CPNE8: variants seen among roughly 807,000 people sequenced by gnomAD.
The protein encoded by CPNE8 is copine-8.
CPNE8 carries 45 observed loss-of-function variants against 81.5 expected under a neutral mutation model. The ratio of observed to expected loss-of-function variants is 0.55; its 90% CI spans 0.44 to 0.71. The LOEUF (loss-of-function observed/expected upper bound fraction) is 0.71. Among genes scored for constraint, CPNE8 ranks in the 30% least tolerant of loss-of-function variants. The pLI is 0.00. For missense variants in CPNE8, 594 were observed against 672.1 expected, an observed-to-expected ratio of 0.88 and a Z score of 1.28; for synonymous variants, 252 against 226.3, an observed-to-expected ratio of 1.11 and a Z score of -1.02.
At chr12:38,782,198 C>A (rs1391307496) in intron 6 of CPNE8, among the ~76,000 whole-genome samples, 2 of 151,998 alleles carry the variant, frequency 1.3e-5, no homozygotes, top group African/African-American at 4.8e-5. Context: ...TTTCTATAAA[C>A]ATAAAACTAT....
chr12:38,873,914 T>C (rs1014550705), intron 2 of CPNE8, among the ~76,000 whole-genome samples: 9 of 152,154 alleles, frequency 5.9e-5, no homozygotes, highest in African/African-American at 2.2e-4. Flanking sequence ...CATATTTCAC[T>C]TGGTTGTAAA....
chr12:38,817,775 C>T (rs1047311967), intron 6 of CPNE8, among the ~76,000 whole-genome samples: 4 of 151,856 alleles, frequency 2.6e-5, no homozygotes, highest in African/African-American at 7.3e-5. Flanking sequence ...AGGCACCCAC[C>T]GCTACGCCCG....
intron 15 of CPNE8, among the ~76,000 whole-genome samples, chr12:38,685,969 A>G (rs969712272): frequency 2.0e-5 from 3 of 152,122 alleles, no homozygotes; most frequent in Admixed American, 6.6e-5. Context: ...AACATATAGA[A>G]ATCCTAAAAA....
chr12:38,841,478 A>G (rs914789321), intron 4 of CPNE8, among the ~76,000 whole-genome samples: 1 of 152,184 alleles, frequency 6.6e-6, no homozygotes, highest in Non-Finnish European at 1.5e-5. Context: ...ATTGTAAGAC[A>G]TTTTTAAGAC....
chr12:38,805,993 G>A (rs923533050), intron 6 of CPNE8, among the ~76,000 whole-genome samples: 3 of 150,206 alleles, frequency 2.0e-5, no homozygotes, highest in Non-Finnish European at 4.4e-5. Flanking sequence ...AAATAAACTA[G>A]AAAATCTAGA....
chr12:38,820,938 C>T (rs1943101655), intron 6 of CPNE8, among the ~76,000 whole-genome samples: 1 of 152,154 alleles, frequency 6.6e-6, no homozygotes, highest in South Asian at 2.1e-4. Context: ...CTTCTTCAAC[C>T]TAGACCATCA....
At chr12:38,900,086 G>C (rs1216173362) in intron 1 of CPNE8, among the ~76,000 whole-genome samples, 2 of 151,604 alleles carry the variant, frequency 1.3e-5, no homozygotes, top group Non-Finnish European at 2.9e-5. Context: ...ATTTTTAATA[G>C]TCACTTTAAC....
At chr12:38,905,365 C>G in intron 1 of CPNE8, 72 bp downstream of exon 1, 1 of 1,503,418 alleles carries the variant, frequency 6.7e-7, no homozygotes, top group Non-Finnish European at 9.0e-7. Flanking sequence ...TCGTGGTACC[C>G]CGAGCGCTCT....
intron 17 of CPNE8, among the ~76,000 whole-genome samples, chr12:38,676,716 G>C (rs962062128): frequency 6.6e-6 from 1 of 152,172 alleles, no homozygotes; most frequent in Admixed American, 6.6e-5. Flanking sequence ...AAGAATGTGA[G>C]ATTGATCCAG....
chr12:38,677,486 G>A lies in CPNE8; in HGVS notation c.1340C>T (p.Ser447Leu). 6.2e-7 allele frequency: 1 copy of A among 1,611,918 alleles called. No individual in the cohort carries two copies. The highest frequency in any genetic ancestry group is 8.5e-7 in the Non-Finnish European group (1 of 1,178,378). ...GGACTCCTTAGTCTGGGCCATATCT[G>A]AGATAACACCATCTGTAACAATCAG... Reference protein sequence around the residue: ...VLLIVTDGVISDMAQTKESIV... With the variant: ...VLLIVTDGVILDMAQTKESIV... Residue 447 changes from serine (S) to leucine (L), a missense_variant, in exon 17 of 20, where the codon TCA becomes TTA. Ser to Leu is a moderately radical substitution (Grantham distance 145). Transcript: ENST00000331366.
intron 6 of CPNE8, among the ~76,000 whole-genome samples, chr12:38,821,790 C>T (rs1033851677): frequency 6.6e-6 from 1 of 152,124 alleles, no homozygotes; most frequent in Non-Finnish European, 1.5e-5. Context: ...TTAGAGTAAG[C>T]AATTTACCTC....
chr12:38,895,043 T>C (rs1944371445), intron 1 of CPNE8, among the ~76,000 whole-genome samples: 2 of 152,152 alleles, frequency 1.3e-5, no homozygotes, highest in African/African-American at 4.8e-5. Context: ...TTACACTCTC[T>C]GACATTTGAG....
intron 10 of CPNE8, among the ~76,000 whole-genome samples, chr12:38,742,012 A>C (rs562939966): frequency 4.8e-4 from 73 of 152,320 alleles, no homozygotes; most frequent in African/African-American, 1.7e-3. Context: ...ATCATTAAAA[A>C]GTCAGGAAAC....
chr12:38,831,711 G>T (rs1217304015), intron 5 of CPNE8, among the ~76,000 whole-genome samples: 8 of 152,140 alleles, frequency 5.3e-5, no homozygotes, highest in Admixed American at 2.0e-4. Flanking sequence ...TTTTACAAAT[G>T]TTTATGGAAT....
chr12:38,866,945 G>A (rs1311141268), intron 3 of CPNE8, among the ~76,000 whole-genome samples: 2 of 151,996 alleles, frequency 1.3e-5, no homozygotes, highest in Non-Finnish European at 2.9e-5. Flanking sequence ...TGCAACCTCC[G>A]ACTACTAGGT....
At chr12:38,830,134 T>C (rs1943260852) in intron 5 of CPNE8, among the ~76,000 whole-genome samples, 1 of 152,286 alleles carries the variant, frequency 6.6e-6, no homozygotes, top group Non-Finnish European at 1.5e-5. Context: ...ATGATTCTTA[T>C]TTTCAAGACT....
upstream of CPNE8, chr12:38,905,998 C>G: frequency 1.0e-6 from 1 of 990,108 alleles, no homozygotes; most frequent in Non-Finnish European, 1.2e-6. Flanking sequence ...CCTCCTGGGC[C>G]GCGACAGCTT....
At chr12:38,775,089 T>C (rs1358089825) in intron 7 of CPNE8, among the ~76,000 whole-genome samples, 2 of 152,124 alleles carry the variant, frequency 1.3e-5, no homozygotes, top group Non-Finnish European at 2.9e-5. Flanking sequence ...TATCTATCTA[T>C]CTATCTATTG....
At chr12:38,735,609 C>T (rs1172153368) in intron 10 of CPNE8, among the ~76,000 whole-genome samples, 3 of 152,040 alleles carry the variant, frequency 2.0e-5, no homozygotes, top group Non-Finnish European at 4.4e-5. Context: ...ACATCAACAA[C>T]CTTCACTGAT....
Sources: allele counts gnomAD v4.1 joint callset (sites outside exome capture counted in the v4.1 genomes callset), GRCh38; gene constraint gnomAD v4.1.1; transcripts MANE v1.5; gene names NCBI Gene and HGNC (gene_info 2026-07-23, HGNC 2026-07-21).